The following GRXCR1 variants were observed in gnomAD, a reference collection of about 807,000 sequenced individuals.
GRXCR1 encodes glutaredoxin domain-containing cysteine-rich protein 1.
GRXCR1 carries 27 observed loss-of-function variants against 27.3 expected under a neutral mutation model. The observed-to-expected ratio is 0.99, with a 90% CI of 0.73 to 1.37. The LOEUF (loss-of-function observed/expected upper bound fraction) is 1.37, where lower values mean the gene tolerates loss of function less well. Among genes scored for constraint, GRXCR1 ranks in the 40% most tolerant of loss-of-function variants. The probability of loss-of-function intolerance (pLI) is 0.00; values close to 1 mark genes in which losing one functional copy is unlikely to be tolerated. For missense variants in GRXCR1, 379 were observed against 354.4 expected (o/e 1.07, Z -0.56); for synonymous variants, 122 against 131.1 (o/e 0.93, Z 0.47).
At chr4:42,976,663 T>C (rs1748530878) in intron 2 of GRXCR1, among the ~76,000 whole-genome samples, 1 of 152,030 alleles carries the variant, frequency 6.6e-6, no homozygotes, top group South Asian at 2.1e-4. Flanking sequence ...TATGTAATTT[T>C]TTAATGGCTT....
intron 1 of GRXCR1, among the ~76,000 whole-genome samples, chr4:42,902,985 C>T (rs932001025): frequency 1.2e-4 from 18 of 152,052 alleles, no homozygotes; most frequent in East Asian, 1.9e-4. Flanking sequence ...CTCAGAGAAG[C>T]GTGTAGCTTG....
chr4:43,015,262 T>C (rs1335645365), intron 2 of GRXCR1, among the ~76,000 whole-genome samples: 2 of 152,166 alleles, frequency 1.3e-5, no homozygotes, highest in African/African-American at 4.8e-5. Flanking sequence ...GTTTGGGTTT[T>C]ACCCTAATCA....
intron 2 of GRXCR1, among the ~76,000 whole-genome samples, chr4:42,970,244 C>T (rs997024393): frequency 3.9e-5 from 6 of 152,118 alleles, no homozygotes; most frequent in African/African-American, 1.4e-4. Context: ...ATGGTACAAG[C>T]TGTCAGTGGA....
At chr4:42,900,466 T>A (rs1259265924) in intron 1 of GRXCR1, among the ~76,000 whole-genome samples, 1 of 152,182 alleles carries the variant, frequency 6.6e-6, no homozygotes, top group African/African-American at 2.4e-5. Flanking sequence ...TTTTTTTGAT[T>A]CTTAAATAAC....
chr4:42,954,206 G>T (rs1267019957), intron 1 of GRXCR1, among the ~76,000 whole-genome samples: 1 of 152,136 alleles, frequency 6.6e-6, no homozygotes, highest in East Asian at 1.9e-4. Flanking sequence ...TACTAGCAAA[G>T]AACTGGGTAA....
At chr4:42,915,458 C>T (rs1303314510) in intron 1 of GRXCR1, among the ~76,000 whole-genome samples, 1 of 152,112 alleles carries the variant, frequency 6.6e-6, no homozygotes, top group Admixed American at 6.5e-5. Context: ...TTTTCTCTTT[C>T]TCTCTTTTTT....
intron 1 of GRXCR1, among the ~76,000 whole-genome samples, chr4:42,905,629 A>G (rs1329710236): frequency 2.0e-5 from 3 of 152,208 alleles, no homozygotes; most frequent in African/African-American, 7.2e-5. Context: ...CCTCTCATGG[A>G]TTCAAAATGG....
intron 1 of GRXCR1, among the ~76,000 whole-genome samples, chr4:42,921,654 C>T (rs1168255371): frequency 6.6e-6 from 1 of 152,000 alleles, no homozygotes; most frequent in African/African-American, 2.4e-5. Flanking sequence ...GGTTTTATTT[C>T]TTTCAGATTA....
rs1223054072 is a variant in GRXCR1 at position 42,987,254 on chromosome 4, T to TA, written c.627+24121dup. On this transcript the variant is annotated intron_variant, in intron 2 of 3. Coordinates refer to ENST00000399770, the MANE Select transcript of GRXCR1 (RefSeq NM_001080476.3). ...TTATATATATATAATATATAATATA[T>TA]ATATATAATATATATATATATATAG... 4.2e-3 allele frequency among the ~76,000 whole-genome samples: 278 copies of TA among 66,914 alleles called. 1 individual carries two copies. The highest frequency in any genetic ancestry group is 9.3e-3 in the African/African-American group (175 of 18,780). The allele number at this position is 66,914 out of a possible 152,430, so 43.9% of individuals were successfully genotyped here.
At chr4:42,900,795 T>TG (rs534532677) in intron 1 of GRXCR1, among the ~76,000 whole-genome samples, 82 of 152,084 alleles carry the variant, frequency 5.4e-4, no homozygotes, top group African/African-American at 2.0e-3. Context: ...CAGGAACTTG[T>TG]GGGGGGTCTA....
intron 2 of GRXCR1, among the ~76,000 whole-genome samples, chr4:43,005,172 T>C (rs537229778): frequency 5.3e-5 from 8 of 152,280 alleles, no homozygotes; most frequent in African/African-American, 1.9e-4. Flanking sequence ...CCTGACACCA[T>C]GTGAAGAAGG....
At chr4:42,939,523 G>A (rs1747555963) in intron 1 of GRXCR1, among the ~76,000 whole-genome samples, 1 of 151,920 alleles carries the variant, frequency 6.6e-6, no homozygotes, top group Non-Finnish European at 1.5e-5. Context: ...CTTTAGCTAG[G>A]ACTCCCAGTA....
intron 2 of GRXCR1, among the ~76,000 whole-genome samples, chr4:42,976,226 G>T (rs1052519803): frequency 2.0e-5 from 3 of 151,980 alleles, no homozygotes; most frequent in Non-Finnish European, 4.4e-5. Flanking sequence ...GTTTATTGGT[G>T]ACCTGGTCAC....
At chr4:43,011,657 C>T (rs921853104) in intron 2 of GRXCR1, among the ~76,000 whole-genome samples, 1 of 152,062 alleles carries the variant, frequency 6.6e-6, no homozygotes, top group African/African-American at 2.4e-5. Flanking sequence ...CTGCTAGGAT[C>T]CTAAAAGATA....
Position 42,982,055 on chromosome 4 carries a change from C to CTT in GRXCR1, c.627+18932_627+18933dup, listed in dbSNP as rs200126018. On this transcript the variant is annotated intron_variant, in intron 2 of 3. Transcript: ENST00000399770. ...CACCCCTTTGTCTTTCTTTCTCCTT[C>CTT]TTTTTTTTTTTTATTATACTTTAAG... Among the ~76,000 whole-genome samples, 654 of 146,120 alleles carry CTT rather than the reference C, an allele frequency of 4.5e-3. 7 individuals are homozygous for CTT. Among genetic ancestry groups the CTT allele is most frequent in the African/African-American group, 0.014 (557 of 39,782 alleles).
intron 2 of GRXCR1, among the ~76,000 whole-genome samples, chr4:42,986,006 A>G (rs906204970): frequency 1.3e-5 from 2 of 152,236 alleles, no homozygotes; most frequent in African/African-American, 4.8e-5. Flanking sequence ...CTGAGCAAAC[A>G]TCTCACCCAG....
At chr4:43,002,728 C>A (rs1255346155) in intron 2 of GRXCR1, among the ~76,000 whole-genome samples, 1 of 151,398 alleles carries the variant, frequency 6.6e-6, no homozygotes, top group African/African-American at 2.4e-5. Flanking sequence ...TTCCTTCTTC[C>A]TGTACCCTTT....
At chr4:43,021,529 T>C (rs1713091930) in intron 3 of GRXCR1, among the ~76,000 whole-genome samples, 1 of 152,244 alleles carries the variant, frequency 6.6e-6, no homozygotes, top group South Asian at 2.1e-4. Flanking sequence ...GATTCATTCA[T>C]TCAACAAACA....
chr4:42,957,228 A>G (rs1748026365), intron 1 of GRXCR1, among the ~76,000 whole-genome samples: 1 of 152,056 alleles, frequency 6.6e-6, no homozygotes, highest in Non-Finnish European at 1.5e-5. Context: ...CCCACGCACT[A>G]TGCTTTCCTA....
Sources: gnomAD v4.1 joint callset for allele counts (sites outside exome capture counted in the v4.1 genomes callset) on GRCh38, gnomAD v4.1.1 for gene constraint, MANE v1.5 for transcripts, NCBI Gene and HGNC (gene_info 2026-07-23, HGNC 2026-07-21) for gene names.